The following HMCN1 variants were observed in gnomAD, a reference collection of about 807,000 sequenced individuals.
HMCN1 encodes the protein hemicentin 1, also known as hemicentin-1.
HMCN1 carries 321 observed loss-of-function variants against 625.9 expected under a neutral mutation model. The observed-to-expected ratio is 0.51, with a 90% confidence interval of 0.47 to 0.56. HMCN1 has a LOEUF of 0.56. Among genes scored for constraint, HMCN1 ranks in the 20% least tolerant of loss-of-function variants. The pLI, the probability that HMCN1 is intolerant of heterozygous loss-of-function variation, is 0.00. For synonymous variants in HMCN1, 2,425 were observed against 2,417.6 expected, an observed-to-expected ratio of 1.00 and a Z score of -0.09; for missense variants, 6,588 against 6,887.3, an observed-to-expected ratio of 0.96 and a Z score of 1.54.
intron 80 of HMCN1, 127 bp downstream of exon 80, chr1:186,120,272 A>C: frequency 9.5e-7 from 1 of 1,055,120 alleles, no homozygotes; most frequent in Non-Finnish European, 1.4e-6. Context: ...AGTTTGCATT[A>C]TCCTATTGGT....
chr1:186,115,365 A>G lies in HMCN1; in HGVS notation c.11512A>G (p.Arg3838Gly). The change falls in exon 75 of 107, where the codon AGA becomes GGA. Residue 3838 changes from arginine (R) to glycine (G), a missense_variant. Coordinates refer to ENST00000271588, the MANE Select transcript of HMCN1 (RefSeq NM_031935.3). ...GATACCAAAACCATCAATCAATTGGAGAAAAAATGGGCATCTTCTTAATGT... is the reference window on the plus strand; with the variant it reads ...GATACCAAAACCATCAATCAATTGGGGAAAAAATGGGCATCTTCTTAATGT... ...TGIPKPSINW[R>G]KNGHLLNVDQ... 1 of 1,614,008 alleles carries G rather than the reference A, an allele frequency of 6.2e-7. No homozygotes were observed. Among genetic ancestry groups the G allele is most frequent in the Non-Finnish European group, 8.5e-7 (1 of 1,179,970 alleles).
Position 185,796,095 on chromosome 1 carries a change from A to G in HMCN1, c.269-49931A>G, listed in dbSNP as rs564131905. ...GTCCTCAAACTTTTTGGCACCAGTG[A>G]CTGGGTTTGTGGAACACAGTTTTTC... On this transcript the variant is annotated intron_variant, in intron 1 of 106. Coordinates refer to ENST00000271588, the MANE Select transcript of HMCN1 (RefSeq NM_031935.3). Among the ~76,000 whole-genome samples, 10 of 152,344 alleles carry G rather than the reference A, an allele frequency of 6.6e-5. 1 individual carries two copies. In the South Asian group the frequency reaches 8.3e-4, roughly 13 times the overall value.
chr1:186,070,854 TC>T, intron 52 of HMCN1, 97 bp downstream of exon 52: 2 of 1,249,624 alleles, frequency 1.6e-6, no homozygotes, highest in Non-Finnish European at 2.3e-6. Context: ...ACTCAGAGAA[TC>T]AATGTGATCT....
chr1:185,885,878 T>C (rs938039298), intron 4 of HMCN1, among the ~76,000 whole-genome samples: 3 of 152,086 alleles, frequency 2.0e-5, no homozygotes, highest in African/African-American at 7.2e-5. Flanking sequence ...GTGCTTTTCA[T>C]AGTATTATGG....
At chr1:185,854,654 A>T (rs1048605552) in intron 2 of HMCN1, among the ~76,000 whole-genome samples, 4 of 152,170 alleles carry the variant, frequency 2.6e-5, no homozygotes, top group Non-Finnish European at 1.5e-5. Context: ...GTGATTTTTT[A>T]AAATCCTGAT....
intron 17 of HMCN1, 63 bp downstream of exon 17, chr1:185,981,136 T>A: frequency 1.0e-6 from 1 of 987,952 alleles, no homozygotes; most frequent in Admixed American, 1.7e-5. Flanking sequence ...TTTTACTATG[T>A]CATCTCTTGC....
rs199967243 is a variant in HMCN1, at chr1:186,082,992, G to A, written c.8884+31G>A. Reference sequence around the variant, plus strand: ...AGCTCAGTTCCAAAACCATCTGTTAGGGTATGCTTGGAAAAGCAGAAAATT... The same window carrying A: ...AGCTCAGTTCCAAAACCATCTGTTAAGGTATGCTTGGAAAAGCAGAAAATT... On this transcript the variant is annotated intron_variant, in intron 57 of 106. Transcript: ENST00000271588. The A allele has an allele frequency of 4.5e-6, 6 of 1,336,048 alleles. No homozygotes were observed. The African/African-American group carries it at 5.8e-5, about 13-fold the overall frequency. The allele number at this position is 1,336,048 out of a possible 1,614,324, so 82.8% of individuals were successfully genotyped here.
At chr1:185,998,826 TGTTC>T (rs1652984053) in intron 25 of HMCN1, among the ~76,000 whole-genome samples, 1 of 152,192 alleles carries the variant, frequency 6.6e-6, no homozygotes, top group African/African-American at 2.4e-5. Context: ...TTCTTTTGTT[TGTTC>T]ATTTACATTT....
At position 185,928,605 on chromosome 1, in the gene HMCN1, A is replaced by G. The variant is rs1238662425; in HGVS notation, c.1490A>G (p.Tyr497Cys). Reference sequence around the variant, plus strand: ...GTCACTTTGTCTGACGAAGGTTTCTATGAATGCATTGCTGTCAGCAGTGCA... The same window carrying G: ...GTCACTTTGTCTGACGAAGGTTTCTGTGAATGCATTGCTGTCAGCAGTGCA... ...AKVTLSDEGF[Y>C]ECIAVSSAGT... Residue 497 changes from tyrosine to cysteine, a missense_variant, in exon 10 of 107, where the codon TAT becomes TGT. Around this residue, in one of 3 missense-constraint regions of HMCN1, gnomAD observed 4,628 missense variants for 4,853.1 expected, o/e 0.95. Transcript: ENST00000271588. 2 of 1,613,362 alleles carry G rather than the reference A, an allele frequency of 1.2e-6. No homozygotes were observed. The highest frequency in any genetic ancestry group is 1.7e-6 in the Non-Finnish European group (2 of 1,179,450).
chr1:185,910,806 T>A (rs1399993523), intron 5 of HMCN1, among the ~76,000 whole-genome samples: 1 of 152,078 alleles, frequency 6.6e-6, no homozygotes, highest in Non-Finnish European at 1.5e-5. Context: ...TCTGACCTTG[T>A]GATCTGCCCA....
intron 10 of HMCN1, among the ~76,000 whole-genome samples, chr1:185,930,616 A>T (rs1162130622): frequency 6.6e-6 from 1 of 152,194 alleles, no homozygotes; most frequent in Non-Finnish European, 1.5e-5. Context: ...AAGTTCTACC[A>T]ATATGTCGCC....
chr1:186,040,923 T>G (rs1051426320), intron 39 of HMCN1, 90 bp from the exon 40 acceptor site: 2 of 1,422,080 alleles, frequency 1.4e-6, no homozygotes, highest in Admixed American at 3.4e-5. Flanking sequence ...AAATGTCAAC[T>G]GATAAGCCTC....
At chr1:185,769,807 A>G (rs574159944) in intron 1 of HMCN1, among the ~76,000 whole-genome samples, 2 of 152,272 alleles carry the variant, frequency 1.3e-5, no homozygotes, top group South Asian at 2.1e-4. Context: ...AGCTGGGATT[A>G]CTTACTCCAT....
In HMCN1 at chr1:185,914,802, T is replaced by C. The variant is rs565756222; in HGVS notation, c.900+3022T>C. On this transcript the variant is annotated intron_variant, in intron 6 of 106. Coordinates refer to ENST00000271588, the MANE Select transcript of HMCN1 (RefSeq NM_031935.3). ...TTCCCTTTTGGATTAATTTCTCCCTTATATCATTTTTATTTCTGTACATAT... is the reference window on the plus strand; with the variant it reads ...TTCCCTTTTGGATTAATTTCTCCCTCATATCATTTTTATTTCTGTACATAT... Among the ~76,000 whole-genome samples, 30 of 152,194 alleles carry C rather than the reference T, an allele frequency of 2.0e-4. No individual in the cohort carries two copies. The East Asian group carries it at 5.8e-3, about 29-fold the overall frequency.
intron 1 of HMCN1, among the ~76,000 whole-genome samples, chr1:185,755,521 G>C (rs1351691314): frequency 6.6e-6 from 1 of 152,186 alleles, no homozygotes; most frequent in African/African-American, 2.4e-5. Flanking sequence ...GTAGTGCTGG[G>C]ATAAGGCTCC....
intron 85 of HMCN1, among the ~76,000 whole-genome samples, chr1:186,131,836 AT>A (rs1326315694): frequency 6.6e-6 from 1 of 152,266 alleles, no homozygotes; most frequent in East Asian, 1.9e-4. Flanking sequence ...TTATAAGTAA[AT>A]TAGTTTTTCA....
intron 1 of HMCN1, among the ~76,000 whole-genome samples, chr1:185,744,348 T>C (rs1244905407): frequency 1.3e-5 from 2 of 152,160 alleles, no homozygotes; most frequent in Non-Finnish European, 2.9e-5. Flanking sequence ...AGTTCAGTTA[T>C]ATAACGACTA....
intron 86 of HMCN1, 84 bp downstream of exon 86, chr1:186,132,493 G>A (rs1661995234): frequency 1.2e-5 from 13 of 1,107,402 alleles, no homozygotes; most frequent in Non-Finnish European, 1.7e-5. Flanking sequence ...TAACTCTATA[G>A]CAAGTTCATT....
intron 36 of HMCN1, among the ~76,000 whole-genome samples, chr1:186,028,329 T>A (rs1344309901): frequency 6.6e-6 from 1 of 152,200 alleles, no homozygotes; most frequent in African/African-American, 2.4e-5. Flanking sequence ...TAAAATAAGA[T>A]CATAAGATAT....
Sources: allele counts gnomAD v4.1 joint callset (sites outside exome capture counted in the v4.1 genomes callset), GRCh38; gene constraint gnomAD v4.1.1; regional missense constraint gnomAD v4.1.1; transcripts MANE v1.5; gene names NCBI Gene and HGNC (gene_info 2026-07-23, HGNC 2026-07-21).